The following RIN2 variants were observed in gnomAD, a reference collection of about 807,000 sequenced individuals.
RIN2 encodes the protein RAB5 interacting protein 2.
Under a neutral mutation model 78.0 loss-of-function variants are expected in RIN2, and 36 were observed. That is an observed-to-expected ratio of 0.46 (90% CI 0.35 to 0.61). The LOEUF is 0.61. Among genes scored for constraint, RIN2 ranks in the 20% least tolerant of loss-of-function variants. The pLI is 0.00. For missense variants in RIN2, 1,087 were observed against 1,159.7 expected, an observed-to-expected ratio of 0.94 and a Z score of 0.91; for synonymous variants, 466 against 466.8, an observed-to-expected ratio of 1.00 and a Z score of 0.02.
chr20:19,989,432 C>G (rs2042726984), intron 9 of RIN2, among the ~76,000 whole-genome samples: 1 of 152,064 alleles, frequency 6.6e-6, no homozygotes, highest in African/African-American at 2.4e-5. Context: ...CACCACCATG[C>G]CCAGCTAATT....
chr20:19,911,350 GGC>G (rs2039458152), intron 3 of RIN2, among the ~76,000 whole-genome samples: 3 of 152,168 alleles, frequency 2.0e-5, no homozygotes, highest in African/African-American at 7.2e-5. Context: ...CACCGCGCCT[GGC>G]CCAAATATGT....
At chr20:19,762,956 G>A (rs2033703971) in intron 1 of RIN2, among the ~76,000 whole-genome samples, 1 of 151,850 alleles carries the variant, frequency 6.6e-6, no homozygotes, top group Non-Finnish European at 1.5e-5. Context: ...GTAGAGATGG[G>A]GTTTCATGAT....
chr20:19,991,937 TG>T (rs1429507038), intron 10 of RIN2, among the ~76,000 whole-genome samples: 1 of 152,238 alleles, frequency 6.6e-6, no homozygotes, highest in African/African-American at 2.4e-5. Context: ...AAATCTGTAA[TG>T]TGTTCATTGG....
chr20:19,769,061 A>G (rs2034011659), intron 1 of RIN2, among the ~76,000 whole-genome samples: 1 of 151,500 alleles, frequency 6.6e-6, no homozygotes, highest in East Asian at 2.0e-4. Context: ...AGCTGGAATT[A>G]CAGGTGCCCA....
At chr20:19,869,041 C>T (rs1485036915) in intron 2 of RIN2, among the ~76,000 whole-genome samples, 2 of 143,258 alleles carry the variant, frequency 1.4e-5, no homozygotes, top group African/African-American at 5.3e-5. Flanking sequence ...GAGATCACGC[C>T]ACTGCACTCC....
chr20:19,791,339 G>A (rs1438138682), intron 1 of RIN2, among the ~76,000 whole-genome samples: 1 of 152,202 alleles, frequency 6.6e-6, no homozygotes, highest in African/African-American at 2.4e-5. Context: ...TTCTGTGGAT[G>A]TTATTTAATT....
intron 3 of RIN2, among the ~76,000 whole-genome samples, chr20:19,890,008 T>C (rs1424856035): frequency 6.6e-6 from 1 of 152,168 alleles, no homozygotes; most frequent in East Asian, 1.9e-4. Context: ...CTGTCGTCCA[T>C]GTGTTCTCTC....
intron 6 of RIN2, 41 bp from the exon 7 acceptor site, chr20:19,964,911 G>A: frequency 1.9e-6 from 3 of 1,565,218 alleles, no homozygotes; most frequent in Non-Finnish European, 2.6e-6. Flanking sequence ...CCCAGAACGT[G>A]CTCAGGGAGA....
intron 2 of RIN2, among the ~76,000 whole-genome samples, chr20:19,832,494 A>C (rs1244771059): frequency 8.8e-5 from 13 of 147,862 alleles, no homozygotes; most frequent in African/African-American, 3.3e-4. Flanking sequence ...CAAACCAACC[A>C]CTCTGTAGCC....
chr20:19,900,945 CAAAAAAAAAAAAAAA>C (rs869239642), intron 3 of RIN2, among the ~76,000 whole-genome samples: 2 of 29,594 alleles, frequency 6.8e-5, no homozygotes, highest in Admixed American at 4.8e-4. Context: ...AGCTCTGTCT[CAAAAAAAAAAAAAAA>C]AAAAAAAAAA....
At position 19,949,981 on chromosome 20, in the gene RIN2, G is replaced by T. The variant is rs138379433; in HGVS notation, c.159-6634G>T. ...ATCACTTACTCTCCCACCTGCTCAG[G>T]CGACTAATGTTGGGCCATGGGAAGG... On this transcript the variant is annotated intron_variant, in intron 4 of 12. Transcript: ENST00000255006. Among the ~76,000 whole-genome samples the T allele has an allele frequency of 1.0e-3, 154 of 152,280 alleles. 1 individual carries two copies. Among genetic ancestry groups the T allele is most frequent in the African/African-American group, 3.2e-3 (135 of 41,550 alleles).
upstream of RIN2, chr20:19,757,854 G>C (rs1198507474): frequency 6.6e-6 from 1 of 152,436 alleles, no homozygotes; most frequent in African/African-American, 2.4e-5. Context: ...GCGGGTCAGG[G>C]GCCGGTCCAG....
chr20:19,781,448 T>G (rs1426599901), intron 1 of RIN2, among the ~76,000 whole-genome samples: 1 of 152,180 alleles, frequency 6.6e-6, no homozygotes, highest in East Asian at 1.9e-4. Flanking sequence ...GTTGCATCAT[T>G]CAGGAAATCT....
chr20:19,936,378 A>G (rs1015606740), intron 4 of RIN2, among the ~76,000 whole-genome samples: 1 of 151,718 alleles, frequency 6.6e-6, no homozygotes, highest in Middle Eastern at 3.2e-3. Context: ...CCTCACCTCC[A>G]GAGTAGTTTC....
intron 2 of RIN2, among the ~76,000 whole-genome samples, chr20:19,874,180 G>A (rs570404577): frequency 3.9e-4 from 59 of 152,106 alleles, no homozygotes; most frequent in Non-Finnish European, 7.6e-4. Flanking sequence ...GAGAAAATGT[G>A]AATGTTAGAT....
At chr20:19,827,779 A>G (rs565452127) in intron 2 of RIN2, among the ~76,000 whole-genome samples, 1 of 150,596 alleles carries the variant, frequency 6.6e-6, no homozygotes, top group South Asian at 2.1e-4. Context: ...CCCATTGTCA[A>G]GGACTTTAGT....
chr20:19,873,423 A>G (rs11087292), intron 2 of RIN2, among the ~76,000 whole-genome samples: 24,608 of 152,140 alleles, frequency 0.16, 2,504 homozygotes, highest in East Asian at 0.27. Flanking sequence ...ACCATGTCCA[A>G]CCATGTAACA....
intron 2 of RIN2, among the ~76,000 whole-genome samples, chr20:19,851,069 GA>G: frequency 6.6e-6 from 1 of 151,124 alleles, no homozygotes; most frequent in Non-Finnish European, 1.5e-5. Context: ...AGGAAGGAAG[GA>G]AGGAAGGAAG....
chr20:19,835,583 A>G (rs1479534860), intron 2 of RIN2, among the ~76,000 whole-genome samples: 1 of 152,218 alleles, frequency 6.6e-6, no homozygotes, highest in Non-Finnish European at 1.5e-5. Context: ...GCTATACTCT[A>G]AGGTAAATAA....
Sources: gnomAD v4.1 joint callset for allele counts (sites outside exome capture counted in the v4.1 genomes callset) on GRCh38, gnomAD v4.1.1 for gene constraint, MANE v1.5 for transcripts, NCBI Gene and HGNC (gene_info 2026-07-23, HGNC 2026-07-21) for gene names.